Variants in HS3ST4 observed in about 807,000 individuals in gnomAD.
HS3ST4 encodes heparan sulfate-glucosamine 3-sulfotransferase 4.
Under a neutral mutation model 29.2 loss-of-function variants are expected in HS3ST4, and 17 were observed. The observed-to-expected ratio is 0.58, with a 90% CI of 0.40 to 0.87. The LOEUF is 0.87. Among genes scored for constraint, HS3ST4 ranks in the 40% least tolerant of loss-of-function variants. The pLI is 0.00. For synonymous variants in HS3ST4, 314 were observed against 285.7 expected, an observed-to-expected ratio of 1.10 and a Z score of -1.00; for missense variants, 627 against 634.5, an observed-to-expected ratio of 0.99 and a Z score of 0.13.
intron 1 of HS3ST4, among the ~76,000 whole-genome samples, chr16:25,792,837 T>C (rs1966872378): frequency 6.6e-6 from 1 of 151,830 alleles, no homozygotes; most frequent in African/African-American, 2.4e-5. Context: ...TTCTTCTACT[T>C]TTTAGTGTAT....
At chr16:25,995,649 TG>T (rs1169719666) in intron 1 of HS3ST4, among the ~76,000 whole-genome samples, 2 of 151,784 alleles carry the variant, frequency 1.3e-5, no homozygotes, top group African/African-American at 4.8e-5. Flanking sequence ...GGGGGTGGAG[TG>T]GTTTCCCAAG....
rs1966297995 is a variant in HS3ST4 at position 25,696,489 on chromosome 16, A to G, written c.734+3338A>G. 2.2e-5 allele frequency among the ~76,000 whole-genome samples: 3 copies of G among 136,820 alleles called. No individual in the cohort carries two copies. The Admixed American group carries it at 2.4e-4, about 11-fold the overall frequency. 89.8% of individuals were successfully genotyped at this position (136,820 alleles called of 152,430 possible). On this transcript the variant is annotated intron_variant, in intron 1 of 1. Transcript: ENST00000331351. ...CCAGGGCAATGGGAAGTGATTGTCCATGGTTTGTTTGTTTTTTTTTTTCTT... is the reference window on the plus strand; with the variant it reads ...CCAGGGCAATGGGAAGTGATTGTCCGTGGTTTGTTTGTTTTTTTTTTTCTT...
intron 1 of HS3ST4, among the ~76,000 whole-genome samples, chr16:25,941,573 T>C (rs866315446): frequency 1.8e-4 from 28 of 152,092 alleles, no homozygotes; most frequent in Non-Finnish European, 2.2e-4. Context: ...TTCGTTTTTG[T>C]TTTTGTTTTT....
At chr16:25,724,404 C>A (rs548019975) in intron 1 of HS3ST4, among the ~76,000 whole-genome samples, 1 of 149,626 alleles carries the variant, frequency 6.7e-6, no homozygotes, top group Admixed American at 6.7e-5. Flanking sequence ...TGCTCTGTCA[C>A]CCAAGCTGGA....
In HS3ST4 at chr16:26,135,731, T is replaced by A. The variant is rs2099605590; in HGVS notation, c.854T>A (p.Val285Glu). Residue 285 changes from valine to glutamate, a missense_variant, in exon 2 of 2, where the codon GTG becomes GAG. Around this residue, in one of 2 missense-constraint regions of HS3ST4, gnomAD observed 225 missense variants for 293.7 expected, o/e 0.77. Transcript: ENST00000331351. ...HSMAKDIKLIVVVRNPVTRAI... is the reference protein window; with the variant it reads ...HSMAKDIKLIEVVRNPVTRAI... Reference sequence around the variant, plus strand: ...ATGGCCAAGGACATCAAACTGATTGTGGTGGTGAGAAACCCCGTGACCAGG... The same window carrying A: ...ATGGCCAAGGACATCAAACTGATTGAGGTGGTGAGAAACCCCGTGACCAGG... The A allele has an allele frequency of 6.2e-7, 1 of 1,613,988 alleles. No homozygotes were observed. The highest frequency in any genetic ancestry group is 1.1e-5 in the South Asian group (1 of 91,092).
chr16:25,694,217 G>A (rs1248901372), intron 1 of HS3ST4, among the ~76,000 whole-genome samples: 1 of 152,222 alleles, frequency 6.6e-6, no homozygotes, highest in South Asian at 2.1e-4. Flanking sequence ...AGAGCCAATA[G>A]GTAAAATCAA....
intron 1 of HS3ST4, among the ~76,000 whole-genome samples, chr16:25,829,737 C>T (rs904234000): frequency 1.4e-5 from 2 of 146,012 alleles, no homozygotes; most frequent in Non-Finnish European, 3.0e-5. Flanking sequence ...CATGTCCCTG[C>T]AAAGGACATG....
chr16:25,999,789 ATTTT>A (rs1969190311), intron 1 of HS3ST4, among the ~76,000 whole-genome samples: 1 of 137,414 alleles, frequency 7.3e-6, no homozygotes, highest in Non-Finnish European at 1.5e-5. Context: ...TATTATATAT[ATTTT>A]ATATATATTA....
At chr16:26,000,367 A>G (rs947510551) in intron 1 of HS3ST4, among the ~76,000 whole-genome samples, 3 of 152,152 alleles carry the variant, frequency 2.0e-5, no homozygotes, top group African/African-American at 7.2e-5. Context: ...CCACAGATTC[A>G]AATATATATG....
intron 1 of HS3ST4, among the ~76,000 whole-genome samples, chr16:26,058,145 A>G (rs1898432079): frequency 6.6e-6 from 1 of 152,192 alleles, no homozygotes; most frequent in South Asian, 2.1e-4. Context: ...TCTCCAAGCT[A>G]TGTAACTGTG....
At chr16:25,735,757 A>G (rs1304243070) in intron 1 of HS3ST4, among the ~76,000 whole-genome samples, 1 of 152,152 alleles carries the variant, frequency 6.6e-6, no homozygotes, top group Non-Finnish European at 1.5e-5. Context: ...AAACAGTTTC[A>G]GCAAAAGTTT....
At chr16:26,067,904 G>A (rs563475106) in intron 1 of HS3ST4, among the ~76,000 whole-genome samples, 108 of 152,242 alleles carry the variant, frequency 7.1e-4, no homozygotes, top group African/African-American at 2.4e-3. Flanking sequence ...CATGCAAGAC[G>A]TGACTTTGCT....
chr16:25,989,028 T>C (rs1236625896), intron 1 of HS3ST4, among the ~76,000 whole-genome samples: 2 of 152,120 alleles, frequency 1.3e-5, no homozygotes, highest in Non-Finnish European at 2.9e-5. Flanking sequence ...TCCACTGGTA[T>C]GGTGTGGTTG....
At chr16:26,092,909 C>T (rs934643398) in intron 1 of HS3ST4, among the ~76,000 whole-genome samples, 2 of 152,138 alleles carry the variant, frequency 1.3e-5, no homozygotes, top group African/African-American at 2.4e-5. Context: ...TTCCCAAGGT[C>T]TTAGCAACTG....
At chr16:26,110,526 A>G (rs969010541) in intron 1 of HS3ST4, among the ~76,000 whole-genome samples, 27 of 152,274 alleles carry the variant, frequency 1.8e-4, no homozygotes, top group African/African-American at 6.3e-4. Context: ...TTACCCTGAC[A>G]TCCCTCTTCT....
intron 1 of HS3ST4, among the ~76,000 whole-genome samples, chr16:25,762,752 C>G (rs1468751765): frequency 6.6e-6 from 1 of 151,496 alleles, no homozygotes; most frequent in Non-Finnish European, 1.5e-5. Flanking sequence ...CGACGTGTAC[C>G]TCTAGTCCCA....
intron 1 of HS3ST4, among the ~76,000 whole-genome samples, chr16:26,042,525 G>A (rs1271678685): frequency 6.6e-6 from 1 of 152,164 alleles, no homozygotes; most frequent in Non-Finnish European, 1.5e-5. Flanking sequence ...AATCCTTTTA[G>A]TTGTTGATGG....
intron 1 of HS3ST4, among the ~76,000 whole-genome samples, chr16:25,758,521 T>C (rs2141605066): frequency 6.6e-6 from 1 of 152,298 alleles, no homozygotes; most frequent in Admixed American, 6.5e-5. Context: ...TGCCTAGGCC[T>C]GGGCTTTCTC....
At chr16:25,840,004 G>A (rs1460255603) in intron 1 of HS3ST4, among the ~76,000 whole-genome samples, 9 of 152,218 alleles carry the variant, frequency 5.9e-5, no homozygotes, top group Non-Finnish European at 7.3e-5. Context: ...TTAGAAGACA[G>A]TGGTTAAGTC....
Sources: gnomAD v4.1 joint callset for allele counts (sites outside exome capture counted in the v4.1 genomes callset) on GRCh38, gnomAD v4.1.1 for gene constraint, gnomAD v4.1.1 regional missense constraint, MANE v1.5 for transcripts, NCBI Gene and HGNC (gene_info 2026-07-23, HGNC 2026-07-21) for gene names.